Variants in ULK4 observed in about 807,000 individuals in gnomAD.
ULK4 encodes unc-51 like kinase 4.
ULK4 carries 133 observed loss-of-function variants against 160.6 expected under a neutral mutation model. The observed-to-expected ratio is 0.83, with a 90% CI of 0.72 to 0.96. ULK4 has a LOEUF of 0.96. Among genes scored for constraint, ULK4 ranks in the 40% least tolerant of loss-of-function variants. ULK4 has a pLI of 0.00. For synonymous variants in ULK4, 534 were observed against 539.8 expected (o/e 0.99, Z 0.15); for missense variants, 1,580 against 1,499.5 (o/e 1.05, Z -0.89).
intron 5 of ULK4, among the ~76,000 whole-genome samples, chr3:41,921,484 A>C (rs1699180353): frequency 6.6e-6 from 1 of 151,590 alleles, no homozygotes; most frequent in African/African-American, 2.4e-5. Context: ...GCATGGTGGC[A>C]GGCGCCTGTA....
At chr3:41,683,853 C>G (rs141749073) in intron 27 of ULK4, among the ~76,000 whole-genome samples, 1 of 152,008 alleles carries the variant, frequency 6.6e-6, no homozygotes, top group Non-Finnish European at 1.5e-5. Flanking sequence ...CCCTTTGCCA[C>G]GCCTTGTGGG....
chr3:41,390,034 T>C (rs1173628036), intron 35 of ULK4, among the ~76,000 whole-genome samples: 1 of 152,186 alleles, frequency 6.6e-6, no homozygotes, highest in East Asian at 1.9e-4. Flanking sequence ...CTATTAATTA[T>C]TGCCTAAATT....
chr3:41,519,689 A>G (rs973082573), intron 32 of ULK4, among the ~76,000 whole-genome samples: 2 of 152,206 alleles, frequency 1.3e-5, no homozygotes, highest in African/African-American at 4.8e-5. Flanking sequence ...AACACTGTGT[A>G]CATTTTATTC....
chr3:41,548,413 A>G (rs1404038707), intron 32 of ULK4, among the ~76,000 whole-genome samples: 1 of 151,710 alleles, frequency 6.6e-6, no homozygotes, highest in Non-Finnish European at 1.5e-5. Context: ...AAGCACATAC[A>G]CCATCAGAAA....
chr3:41,919,767 A>T lies in ULK4; in HGVS notation c.593T>A (p.Ile198Asn), dbSNP rs1361143199. ...GCCCAAAGACCAGAGGTCACTGGAG[A>T]TGGAAAAGTCAGCACCCCTCACAAC... ...PEVVRGADFS[I>N]SSDLWSLGCL... is the part of the protein sequence containing the mutation. Residue 198 changes from isoleucine to asparagine, a missense_variant, in exon 6 of 37, where the codon ATC (isoleucine) becomes AAC (asparagine). By Grantham distance (149) the Ile-to-Asn change is moderately radical. Coordinates refer to ENST00000301831, the MANE Select transcript of ULK4 (RefSeq NM_017886.4). 5 of 1,614,124 alleles carry T rather than the reference A, an allele frequency of 3.1e-6. No homozygotes were observed. The highest frequency in any genetic ancestry group is 4.2e-6 in the Non-Finnish European group (5 of 1,180,014).
chr3:41,309,600 A>C (rs2080010746), intron 35 of ULK4, among the ~76,000 whole-genome samples: 1 of 152,252 alleles, frequency 6.6e-6, no homozygotes, highest in African/African-American at 2.4e-5. Context: ...GAATGGCAGA[A>C]GATAGTGGGG....
At chr3:41,710,466 G>C (rs1440718775) in intron 25 of ULK4, among the ~76,000 whole-genome samples, 1 of 152,136 alleles carries the variant, frequency 6.6e-6, no homozygotes, top group Non-Finnish European at 1.5e-5. Flanking sequence ...AGCAGGGCTA[G>C]GGTAGGTGGA....
At chr3:41,850,458 T>G (rs1307540477) in intron 17 of ULK4, among the ~76,000 whole-genome samples, 1 of 151,656 alleles carries the variant, frequency 6.6e-6, no homozygotes, top group African/African-American at 2.4e-5. Context: ...TTTCTCCACA[T>G]CCTCTCCAGC....
intron 1 of ULK4, among the ~76,000 whole-genome samples, chr3:41,959,233 C>T (rs1271345193): frequency 6.6e-6 from 1 of 152,074 alleles, no homozygotes; most frequent in Non-Finnish European, 1.5e-5. Context: ...GGCATGGTGG[C>T]ACGCGCCTGT....
At chr3:41,862,971 C>T (rs539925310) in intron 17 of ULK4, among the ~76,000 whole-genome samples, 2 of 152,296 alleles carry the variant, frequency 1.3e-5, no homozygotes, top group South Asian at 2.1e-4. Context: ...TGCTTATGTT[C>T]GCTCAAGGCC....
At chr3:41,817,066 C>CTGTGTGTGTGTG (rs55996693) in intron 19 of ULK4, among the ~76,000 whole-genome samples, 1 of 148,878 alleles carries the variant, frequency 6.7e-6, no homozygotes, top group African/African-American at 2.5e-5. Context: ...TGTGGGGAAA[C>CTGTGTGTGTGTG]TGTGTGTGTG....
intron 32 of ULK4, among the ~76,000 whole-genome samples, chr3:41,469,237 CAG>C (rs1403127090): frequency 2.0e-5 from 3 of 152,162 alleles, no homozygotes; most frequent in African/African-American, 7.2e-5. Flanking sequence ...CCTGCCTAGA[CAG>C]AGAGACAAAT....
chr3:41,257,256 A>G (rs1222496491), intron 35 of ULK4, among the ~76,000 whole-genome samples: 1 of 152,240 alleles, frequency 6.6e-6, no homozygotes. Context: ...GGGATGAAGA[A>G]TAACAGCAGT....
At chr3:41,404,205 A>C (rs1023875647) in intron 34 of ULK4, among the ~76,000 whole-genome samples, 2 of 129,514 alleles carry the variant, frequency 1.5e-5, no homozygotes, top group East Asian at 4.8e-4. Flanking sequence ...TGATTTGTCT[A>C]TTTATCTTTT....
chr3:41,561,416 T>C (rs1359831157), intron 32 of ULK4, among the ~76,000 whole-genome samples: 3 of 152,208 alleles, frequency 2.0e-5, no homozygotes, highest in African/African-American at 7.2e-5. Flanking sequence ...TTTCTATTTA[T>C]TGGAATAGTT....
chr3:41,584,385 A>G (rs2125634743), intron 31 of ULK4, among the ~76,000 whole-genome samples: 1 of 152,164 alleles, frequency 6.6e-6, no homozygotes. Context: ...TCCACCTCCC[A>G]AGCTCAAGTG....
chr3:41,535,925 C>T (rs781701734), intron 32 of ULK4, among the ~76,000 whole-genome samples: 1 of 152,154 alleles, frequency 6.6e-6, no homozygotes, highest in Non-Finnish European at 1.5e-5. Context: ...ACAGTCTGAA[C>T]ATCCTCCTTA....
rs535956664 is a variant in ULK4, at chr3:41,560,553, TA to T, written c.3226+5471del. On this transcript the variant is annotated intron_variant, in intron 32 of 36. Coordinates refer to ENST00000301831, the MANE Select transcript of ULK4 (RefSeq NM_017886.4). ...TTTTACTTCATTGAGCAGTGGTTTG[TA>T]GTTCTCCTTGAAGAGGTTCTTCACA... is the stretch of plus-strand genomic sequence containing the variant. 2.5e-3 allele frequency among the ~76,000 whole-genome samples: 374 copies of T among 152,372 alleles called. 1 individual carries two copies. Among genetic ancestry groups the T allele is most frequent in the African/African-American group, 8.7e-3 (360 of 41,586 alleles).
intron 31 of ULK4, among the ~76,000 whole-genome samples, chr3:41,610,953 T>C (rs969122155): frequency 2.6e-5 from 4 of 152,208 alleles, no homozygotes; most frequent in South Asian, 2.1e-4. Flanking sequence ...ATTAGAGTTA[T>C]AGCAAACTCC....
Sources: allele counts gnomAD v4.1 joint callset (sites outside exome capture counted in the v4.1 genomes callset), GRCh38; gene constraint gnomAD v4.1.1; transcripts MANE v1.5; gene names NCBI Gene and HGNC (gene_info 2026-07-23, HGNC 2026-07-21).